REEP3: variants seen among roughly 807,000 people sequenced by gnomAD.
REEP3 encodes the protein receptor accessory protein 3, also known as receptor expression-enhancing protein 3.
A neutral mutation model predicts 41.3 loss-of-function variants in REEP3; 20 were observed. The observed-to-expected ratio is 0.48, with a 90% confidence interval of 0.34 to 0.70. REEP3 has a LOEUF of 0.70. Among genes scored for constraint, REEP3 ranks in the 30% least tolerant of loss-of-function variants. The probability of loss-of-function intolerance (pLI) is 0.01; values close to 1 mark genes in which losing one functional copy is unlikely to be tolerated. For missense variants in REEP3, 271 were observed against 308.8 expected, an observed-to-expected ratio of 0.88 and a Z score of 0.92; for synonymous variants, 104 against 101.8, an observed-to-expected ratio of 1.02 and a Z score of -0.13.
At chr10:63,615,104 T>C (rs964449480) in intron 6 of REEP3, among the ~76,000 whole-genome samples, 1 of 152,132 alleles carries the variant, frequency 6.6e-6, no homozygotes, top group Non-Finnish European at 1.5e-5. Context: ...AAGTAGATGA[T>C]GAAATGGATT....
chr10:63,605,625 C>T (rs1896995), intron 5 of REEP3, among the ~76,000 whole-genome samples: 74,674 of 152,040 alleles, frequency 0.49, 18,597 homozygotes, highest in South Asian at 0.57. Context: ...AACAAAATAA[C>T]TAATGTTAAT....
At chr10:63,546,032 G>A (rs1001809869) in intron 1 of REEP3, among the ~76,000 whole-genome samples, 7 of 152,172 alleles carry the variant, frequency 4.6e-5, no homozygotes, top group African/African-American at 7.2e-5. Context: ...CCAACCGGGT[G>A]TAAACCCTAA....
intron 1 of REEP3, among the ~76,000 whole-genome samples, chr10:63,522,935 A>G (rs1358899851): frequency 6.6e-6 from 1 of 151,576 alleles, no homozygotes; most frequent in African/African-American, 2.4e-5. Context: ...TAATTCAGGC[A>G]TACCTTTCTT....
intron 1 of REEP3, among the ~76,000 whole-genome samples, chr10:63,538,970 A>G (rs909768955): frequency 6.6e-6 from 1 of 152,254 alleles, no homozygotes; most frequent in African/African-American, 2.4e-5. Context: ...CTGCCCCTCA[A>G]GAACATAACC....
chr10:63,586,398 G>C (rs1341890988), intron 2 of REEP3, among the ~76,000 whole-genome samples: 2 of 152,094 alleles, frequency 1.3e-5, no homozygotes, highest in African/African-American at 4.8e-5. Flanking sequence ...AAAAGAACTT[G>C]CCTAATTATA....
intron 2 of REEP3, among the ~76,000 whole-genome samples, chr10:63,575,546 G>A (rs1041518546): frequency 6.6e-5 from 10 of 151,602 alleles, no homozygotes; most frequent in Admixed American, 5.2e-4. Context: ...TAAGGCACTT[G>A]GACTGGTTTT....
At chr10:63,576,319 C>T (rs564062108) in intron 2 of REEP3, among the ~76,000 whole-genome samples, 1 of 152,156 alleles carries the variant, frequency 6.6e-6, no homozygotes, top group Non-Finnish European at 1.5e-5. Context: ...AATGTATTGT[C>T]TCACAATTTC....
chr10:63,561,079 G>A (rs1955735471), intron 1 of REEP3, among the ~76,000 whole-genome samples: 1 of 151,930 alleles, frequency 6.6e-6, no homozygotes, highest in African/African-American at 2.4e-5. Context: ...AGGTGTTAAG[G>A]GTATTCTGTT....
chr10:63,583,474 T>A (rs1471018831), intron 2 of REEP3, among the ~76,000 whole-genome samples: 1 of 152,234 alleles, frequency 6.6e-6, no homozygotes, highest in Non-Finnish European at 1.5e-5. Context: ...ATTTTTCATT[T>A]ACTAAGTCAG....
At chr10:63,609,390 T>TGCAGTGAGCC (rs1424649461) in intron 5 of REEP3, among the ~76,000 whole-genome samples, 1 of 147,028 alleles carries the variant, frequency 6.8e-6, no homozygotes, top group Admixed American at 6.9e-5. Context: ...AGGCGGAGCT[T>TGCAGTGAGCC]GCAGTGAGCC....
chr10:63,523,624 A>G (rs1254538917), intron 1 of REEP3, among the ~76,000 whole-genome samples: 1 of 152,166 alleles, frequency 6.6e-6, no homozygotes, highest in African/African-American at 2.4e-5. Context: ...CCACAGAGTG[A>G]GACTGTGCCT....
chr10:63,615,643 T>A (rs2133434068), intron 6 of REEP3, among the ~76,000 whole-genome samples: 2 of 152,062 alleles, frequency 1.3e-5, no homozygotes, highest in South Asian at 4.2e-4. Flanking sequence ...CCTCCCAGGT[T>A]CAAGCAATTC....
chr10:63,538,846 C>A (rs765410656), intron 1 of REEP3, among the ~76,000 whole-genome samples: 12 of 152,164 alleles, frequency 7.9e-5, no homozygotes, highest in Non-Finnish European at 1.8e-4. Context: ...CTGGCTAAGA[C>A]ATCTGTCACC....
At chr10:63,593,023 G>A (rs1956079524) in intron 2 of REEP3, among the ~76,000 whole-genome samples, 1 of 145,972 alleles carries the variant, frequency 6.9e-6, no homozygotes, top group African/African-American at 2.5e-5. Flanking sequence ...TTAGAAACAG[G>A]TAGGGAGGGG....
At chr10:63,556,614 GTTTTTTTTT>G (rs77925970) in intron 1 of REEP3, among the ~76,000 whole-genome samples, 1 of 12,868 alleles carries the variant, frequency 7.8e-5, no homozygotes, top group African/African-American at 2.0e-4. Context: ...CTGTTTGCTT[GTTTTTTTTT>G]TTGTTGTTTT....
At chr10:63,591,345 A>T (rs1011699662) in intron 2 of REEP3, among the ~76,000 whole-genome samples, 2 of 152,148 alleles carry the variant, frequency 1.3e-5, no homozygotes, top group Non-Finnish European at 2.9e-5. Flanking sequence ...ATACATGGTC[A>T]TTGAATTTAT....
intron 1 of REEP3, among the ~76,000 whole-genome samples, chr10:63,533,324 T>C (rs1375445968): frequency 6.6e-6 from 1 of 152,204 alleles, no homozygotes; most frequent in Non-Finnish European, 1.5e-5. Context: ...AGTGCAGATA[T>C]GGAAATAAAA....
Position 63,610,262 on chromosome 10 carries a change from G to A in REEP3, c.493G>A (p.Val165Met), listed in dbSNP as rs1263301913. The A allele has an allele frequency of 1.3e-6, 2 of 1,594,574 alleles. No homozygotes were observed. Among genetic ancestry groups the A allele is most frequent in the South Asian group, 1.1e-5 (1 of 88,200 alleles). Residue 165 changes from valine (V) to methionine (M), a missense_variant, in exon 6 of 8, where the codon GTG (valine) becomes ATG (methionine). Transcript: ENST00000373758. ...AACAACTATCCAAGGTGATGAGCCT[G>A]TGGGACAAAGACCATACCAACCTCT... ...DLTTIQGDEP[V>M]GQRPYQPLPE...
chr10:63,574,950 G>A (rs944635483), intron 2 of REEP3, among the ~76,000 whole-genome samples: 7 of 140,314 alleles, frequency 5.0e-5, no homozygotes, highest in African/African-American at 1.0e-4. Flanking sequence ...TCTGCCTCCC[G>A]GATTCAAGCA....
Sources: allele counts gnomAD v4.1 joint callset (sites outside exome capture counted in the v4.1 genomes callset), GRCh38; gene constraint gnomAD v4.1.1; transcripts MANE v1.5; gene names NCBI Gene and HGNC (gene_info 2026-07-23, HGNC 2026-07-21).